The following CCDC77 variants were observed in gnomAD, a reference collection of about 807,000 sequenced individuals.
CCDC77 encodes coiled-coil domain-containing protein 77.
Under a neutral mutation model 66.8 loss-of-function variants are expected in CCDC77, and 56 were observed. The observed-to-expected ratio is 0.84, with a 90% CI of 0.68 to 1.05. The LOEUF is 1.05. Ranked by LOEUF, CCDC77 falls within the 50% of genes least tolerant of loss-of-function variation. The probability of loss-of-function intolerance (pLI) is 0.00; values close to 1 mark genes in which losing one functional copy is unlikely to be tolerated. For synonymous variants in CCDC77, 196 were observed against 195.2 expected (o/e 1.00, Z -0.03); for missense variants, 570 against 576.8 (o/e 0.99, Z 0.12).
chr12:440,368 A>T (rs1452890882), intron 10 of CCDC77, among the ~76,000 whole-genome samples: 1 of 152,226 alleles, frequency 6.6e-6, no homozygotes, highest in Non-Finnish European at 1.5e-5. Context: ...GAGCTCCGTT[A>T]TCTGAGTCTT....
chr12:404,317 C>CA (rs1944952912), intron 1 of CCDC77, among the ~76,000 whole-genome samples: 3 of 151,970 alleles, frequency 2.0e-5, no homozygotes, highest in Admixed American at 6.5e-5. Flanking sequence ...GACTCTGTCT[C>CA]AAAAAATAAA....
chr12:426,304 A>T (rs941148583), intron 5 of CCDC77, among the ~76,000 whole-genome samples: 5 of 152,290 alleles, frequency 3.3e-5, no homozygotes, highest in Middle Eastern at 6.8e-3. Flanking sequence ...CCATTTGCCT[A>T]ATTAGTGGCC....
At chr12:433,462 C>T in intron 9 of CCDC77, 140 bp downstream of exon 9, 2 of 1,447,234 alleles carry the variant, frequency 1.4e-6, no homozygotes. Flanking sequence ...GAAACCCCCG[C>T]CTCTACGTAG....
chr12:397,653 C>CT (rs879333427), upstream of CCDC77, among the ~76,000 whole-genome samples: 302 of 146,354 alleles, frequency 2.1e-3, no homozygotes, highest in Admixed American at 2.3e-3. Flanking sequence ...ATTTAAAATG[C>CT]TTTTTTTTTT....
At chr12:419,693 C>T in intron 5 of CCDC77, among the ~76,000 whole-genome samples, 1 of 35,490 alleles carries the variant, frequency 2.8e-5, no homozygotes, top group Non-Finnish European at 5.7e-5. Context: ...ATACACATAG[C>T]AGCACACTCC....
At chr12:430,576 C>T in intron 6 of CCDC77, 88 bp from the exon 7 acceptor site, 2 of 932,426 alleles carry the variant, frequency 2.1e-6, no homozygotes, top group Non-Finnish European at 3.6e-6. Flanking sequence ...AATTTAACTT[C>T]TAGTGTTCAA....
rs766975329 is a variant in CCDC77 at position 428,819 on chromosome 12, C to G, written c.464C>G (p.Thr155Arg). 3 of 1,613,090 alleles carry G rather than the reference C, an allele frequency of 1.9e-6. No homozygotes were observed. In the Admixed American group the frequency reaches 5.0e-5, roughly 27 times the overall value. ...CAGAATCTCTTGGCTCTTGTGGGAACAGATGCTGGAGAAGTGACCTATTTT... is the reference window on the plus strand; with the variant it reads ...CAGAATCTCTTGGCTCTTGTGGGAAGAGATGCTGGAGAAGTGACCTATTTT... ...KIQNLLALVG[T>R]DAGEVTYFCK... The change falls in exon 6 of 13, where the codon ACA becomes AGA. Residue 155 changes from threonine to arginine, a missense_variant. By Grantham distance (71) the Thr-to-Arg change is moderately conservative. Transcript: ENST00000239830.
At chr12:416,377 G>GTATATATATATA (rs1167006549) in intron 4 of CCDC77, among the ~76,000 whole-genome samples, 1 of 20,598 alleles carries the variant, frequency 4.9e-5, no homozygotes. Context: ...GTGTGTGTGT[G>GTATATATATATA]TATATATATA....
chr12:416,377 GTATA>G (rs1167006549), intron 4 of CCDC77, among the ~76,000 whole-genome samples: 210 of 20,536 alleles, frequency 0.01, 2 homozygotes, highest in African/African-American at 0.015. Flanking sequence ...GTGTGTGTGT[GTATA>G]TATATATATA....
At chr12:412,182 T>C (rs1473449405) in intron 4 of CCDC77, among the ~76,000 whole-genome samples, 1 of 152,178 alleles carries the variant, frequency 6.6e-6, no homozygotes, top group Non-Finnish European at 1.5e-5. Flanking sequence ...AATTCTGACA[T>C]CTCCATATCT....
chr12:416,381 A>ATG lies in CCDC77; in HGVS notation c.271-2112_271-2111insGT, dbSNP rs1565569203. Among the ~76,000 whole-genome samples, 79 of 20,538 alleles carry ATG rather than the reference A, an allele frequency of 3.8e-3. 6 individuals carry two copies. In the East Asian group the frequency reaches 0.043, roughly 11 times the overall value. The allele number at this position is 20,538 out of a possible 152,430, so 13.5% of individuals were successfully genotyped here. On this transcript the variant is annotated intron_variant, in intron 4 of 12. Coordinates refer to ENST00000239830, the MANE Select transcript of CCDC77 (RefSeq NM_032358.4). ...TGTGTGTGTGTGTGTGTGTGTGTAT[A>ATG]TATATATATATATATATATATATAT...
chr12:389,472 C>G (rs1467519098), exon 1 of CCDC77: 1 of 416,310 alleles, frequency 2.4e-6, no homozygotes. Context: ...AACGACTCCA[C>G]GCAGCTCGCC....
chr12:432,726 C>A (rs150489411), intron 8 of CCDC77, among the ~76,000 whole-genome samples: 1 of 152,296 alleles, frequency 6.6e-6, no homozygotes, highest in East Asian at 1.9e-4. Flanking sequence ...CTTGTATAGC[C>A]TAACCCCATT....
intron 3 of CCDC77, among the ~76,000 whole-genome samples, chr12:411,016 G>T (rs779041645): frequency 6.6e-6 from 1 of 150,540 alleles, no homozygotes; most frequent in Non-Finnish European, 1.5e-5. Flanking sequence ...AGGCTCAAGC[G>T]ATCCTCCCAC....
chr12:433,607 G>A (rs1423787159), intron 9 of CCDC77: 10 of 375,394 alleles, frequency 2.7e-5, no homozygotes, highest in South Asian at 8.4e-5. Context: ...AGTGGCTCAC[G>A]CCTGTAATCG....
At chr12:406,053 G>T (rs2137537814) in intron 2 of CCDC77, among the ~76,000 whole-genome samples, 1 of 152,006 alleles carries the variant, frequency 6.6e-6, no homozygotes, top group Non-Finnish European at 1.5e-5. Flanking sequence ...GTTTAACTAG[G>T]ACTACAGACA....
chr12:413,239 G>GT (rs934685347), intron 4 of CCDC77, among the ~76,000 whole-genome samples: 25 of 140,748 alleles, frequency 1.8e-4, no homozygotes, highest in African/African-American at 6.4e-4. Context: ...TGCCCGGCCT[G>GT]TTTTTTTGTT....
At position 415,427 on chromosome 12, in the gene CCDC77, A is replaced by AATATGTTGATATTAACATAATT. The variant is rs1555144385; in HGVS notation, c.271-3065_271-3064insATGTTGATATTAACATAATTAT. 4.4e-4 allele frequency among the ~76,000 whole-genome samples: 57 copies of AATATGTTGATATTAACATAATT among 128,504 alleles called. 8 individuals are homozygous for AATATGTTGATATTAACATAATT. Among genetic ancestry groups the AATATGTTGATATTAACATAATT allele is most frequent in the Middle Eastern group, 7.7e-3 (2 of 260 alleles). The allele number at this position is 128,504 out of a possible 152,430, so 84.3% of individuals were successfully genotyped here. ...CATAATATGTTGATATTATTAACAT[A>AATATGTTGATATTAACATAATT]ATTAACATAATAATATGTTAATATT... On this transcript the variant is annotated intron_variant, in intron 4 of 12. Coordinates refer to ENST00000239830, the MANE Select transcript of CCDC77 (RefSeq NM_032358.4).
chr12:412,055 A>T (rs1565566139), intron 4 of CCDC77, 77 bp downstream of exon 4: 1 of 1,042,036 alleles, frequency 9.6e-7, no homozygotes, highest in Admixed American at 2.3e-5. Flanking sequence ...GTGCCAGTTT[A>T]TATCAGAAGC....
Sources: allele counts gnomAD v4.1 joint callset (sites outside exome capture counted in the v4.1 genomes callset), GRCh38; gene constraint gnomAD v4.1.1; transcripts MANE v1.5; gene names NCBI Gene and HGNC (gene_info 2026-07-23, HGNC 2026-07-21).